TRIQK: variants seen among roughly 807,000 people sequenced by gnomAD.
TRIQK encodes the protein triple QxxK/R motif containing.
In TRIQK, 10 loss-of-function variants were observed where a neutral mutation model predicts 10.8. That is an observed-to-expected ratio of 0.92 (90% CI 0.57 to 1.57). The LOEUF is 1.57. Among genes scored for constraint, TRIQK ranks in the 40% most tolerant of loss-of-function variants. The pLI, the probability that TRIQK is intolerant of heterozygous loss-of-function variation, is 0.00. For missense variants in TRIQK, 107 were observed against 97.7 expected (o/e 1.09, Z -0.40); for synonymous variants, 33 against 33.7 (o/e 0.98, Z 0.07).
At chr8:92,943,428 T>C (rs1244984572) in intron 2 of TRIQK, among the ~76,000 whole-genome samples, 1 of 152,110 alleles carries the variant, frequency 6.6e-6, no homozygotes, top group African/African-American at 2.4e-5. Context: ...TCAAATATAC[T>C]ATGAAGCTAC....
At chr8:92,970,390 A>G (rs1812862685), upstream of TRIQK, among the ~76,000 whole-genome samples, 1 of 152,208 alleles carries the variant, frequency 6.6e-6, no homozygotes, top group Admixed American at 6.5e-5. Context: ...GTCTTCCACA[A>G]TGGTTGAACT....
chr8:92,891,687 G>A (rs574536330), intron 4 of TRIQK, among the ~76,000 whole-genome samples: 67 of 151,894 alleles, frequency 4.4e-4, no homozygotes, highest in Non-Finnish European at 8.7e-4. Context: ...AATTTCTGAC[G>A]AAGGCCACAT....
At chr8:92,886,917 C>A in intron 4 of TRIQK, 182 bp from the exon 5 acceptor site, 1 of 410,516 alleles carries the variant, frequency 2.4e-6, no homozygotes, top group African/African-American at 2.1e-5. Flanking sequence ...CTGGCAAGTC[C>A]CAATGAAATG....
chr8:92,973,902 G>C (rs552689423), intron 1 of TRIQK: 2 of 152,568 alleles, frequency 1.3e-5, no homozygotes, highest in Admixed American at 1.3e-4. Context: ...GTATATTTAC[G>C]TTGTGAAATC....
chr8:92,916,890 CAATT>C (rs775105728), intron 3 of TRIQK, 35 bp downstream of exon 3: 26 of 1,339,666 alleles, frequency 1.9e-5, no homozygotes, highest in East Asian at 8.6e-5. Context: ...GTTTTTATCT[CAATT>C]AATAGGAGTG....
intron 2 of TRIQK, among the ~76,000 whole-genome samples, chr8:92,923,357 A>G (rs1810283360): frequency 6.6e-6 from 1 of 151,694 alleles, no homozygotes; most frequent in African/African-American, 2.4e-5. Context: ...AGATGCGGAA[A>G]GGGAATAACA....
intron 1 of TRIQK, among the ~76,000 whole-genome samples, chr8:92,956,500 A>T (rs1252123873): frequency 6.6e-6 from 1 of 151,838 alleles, no homozygotes; most frequent in Non-Finnish European, 1.5e-5. Context: ...AAATTCCTGA[A>T]TTATACACTT....
At chr8:93,017,042 A>T (rs1018084599) in intron 1 of TRIQK, among the ~76,000 whole-genome samples, 6 of 151,856 alleles carry the variant, frequency 4.0e-5, no homozygotes, top group Non-Finnish European at 8.8e-5. Context: ...ATTTATGTAA[A>T]GTTTAAAAGT....
At position 92,935,450 on chromosome 8, in the gene TRIQK, G is replaced by A. The variant is rs146772485; in HGVS notation, c.-21-18440C>T. Among the ~76,000 whole-genome samples the A allele has an allele frequency of 1.6e-4, 25 of 151,662 alleles. No homozygotes were observed. In the East Asian group the frequency reaches 4.4e-3, roughly 27 times the overall value. Reference sequence around the variant, plus strand: ...CACGTTCCTTTATGTACAGTATTATGCATCAACAGAAAGTTTTGAAAAATT... The same window carrying A: ...CACGTTCCTTTATGTACAGTATTATACATCAACAGAAAGTTTTGAAAAATT... On this transcript the variant is annotated intron_variant, in intron 2 of 4. Coordinates refer to ENST00000521988, the MANE Select transcript of TRIQK (RefSeq NM_001171797.2).
intron 1 of TRIQK, chr8:92,964,829 T>A (rs541419080): frequency 8.1e-4 from 123 of 152,280 alleles, no homozygotes; most frequent in African/African-American, 2.8e-3. Flanking sequence ...AATTTACAGA[T>A]AACGAAACAA....
intron 2 of TRIQK, chr8:92,922,296 C>T (rs554829731): frequency 6.6e-6 from 1 of 151,706 alleles, no homozygotes; most frequent in African/African-American, 2.4e-5. Context: ...TAGTATTTTG[C>T]ATTTATTAAT....
At chr8:92,889,567 AG>A (rs1262056886) in intron 4 of TRIQK, among the ~76,000 whole-genome samples, 1 of 151,668 alleles carries the variant, frequency 6.6e-6, no homozygotes, top group Non-Finnish European at 1.5e-5. Context: ...TGCACACTTT[AG>A]GAGGGTATCT....
In TRIQK at chr8:92,884,540, T is replaced by C; in HGVS notation, c.*2082A>G. The C allele has an allele frequency of 3.3e-6, 1 of 305,706 alleles. No homozygotes were observed. The highest frequency in any genetic ancestry group is 3.0e-5 in the South Asian group (1 of 33,494). 18.9% of individuals were successfully genotyped at this position (305,706 alleles called of 1,614,324 possible). A position where few individuals can be genotyped will look rare whatever the true frequency, so the allele number is the denominator to read the frequency against. ...GTGAAATTTGCCTATAATTATACTA[T>C]ATTTAGATTAATAGTTATCAAAAAC... On this transcript the variant is annotated 3_prime_UTR_variant, in exon 5 of 5. Coordinates refer to ENST00000521988, the MANE Select transcript of TRIQK (RefSeq NM_001171797.2).
intron 1 of TRIQK, among the ~76,000 whole-genome samples, chr8:92,986,393 C>T (rs1813030259): frequency 6.6e-6 from 1 of 152,082 alleles, no homozygotes; most frequent in African/African-American, 2.4e-5. Flanking sequence ...AAAATGCAAC[C>T]ATTTGGGGAA....
chr8:92,957,159 C>T (rs572431593), intron 1 of TRIQK, among the ~76,000 whole-genome samples: 2 of 151,690 alleles, frequency 1.3e-5, no homozygotes, highest in Non-Finnish European at 2.9e-5. Context: ...ATGTTCAGAC[C>T]ACTCACCAGA....
intron 2 of TRIQK, among the ~76,000 whole-genome samples, chr8:92,933,639 A>G (rs530404868): frequency 1.3e-5 from 2 of 152,278 alleles, no homozygotes; most frequent in African/African-American, 4.8e-5. Context: ...TAAGGCATAA[A>G]GATTCTAGAT....
chr8:92,976,971 C>T (rs1812939812), intron 1 of TRIQK, among the ~76,000 whole-genome samples: 1 of 151,946 alleles, frequency 6.6e-6, no homozygotes, highest in African/African-American at 2.4e-5. Flanking sequence ...TTAAACCCAA[C>T]AATACATGTG....
intron 3 of TRIQK, among the ~76,000 whole-genome samples, chr8:92,911,014 T>C (rs1586405397): frequency 6.6e-6 from 1 of 151,410 alleles, no homozygotes; most frequent in East Asian, 1.9e-4. Context: ...GCACAGGGAA[T>C]GTTAACAAAA....
intron 2 of TRIQK, among the ~76,000 whole-genome samples, chr8:92,942,940 G>A (rs1217017722): frequency 2.0e-5 from 3 of 152,016 alleles, no homozygotes; most frequent in Admixed American, 6.6e-5. Context: ...CAATCTGCCT[G>A]CCTCAGCCTT....
Sources: allele counts gnomAD v4.1 joint callset (sites outside exome capture counted in the v4.1 genomes callset), GRCh38; gene constraint gnomAD v4.1.1; transcripts MANE v1.5; gene names NCBI Gene and HGNC (gene_info 2026-07-23, HGNC 2026-07-21).